Variants in C12orf42 observed in about 807,000 individuals in gnomAD.
C12orf42 encodes the protein uncharacterized protein C12orf42.
A neutral mutation model predicts 21.6 loss-of-function variants in C12orf42; 25 were observed. That is an observed-to-expected ratio of 1.16 (90% CI 0.84 to 1.62). The LOEUF (loss-of-function observed/expected upper bound fraction) is 1.62, where lower values mean the gene tolerates loss of function less well. C12orf42 is among the 40% of genes most tolerant of loss of function. C12orf42 has a pLI of 0.00. For missense variants in C12orf42, 483 were observed against 459.3 expected, an observed-to-expected ratio of 1.05 and a Z score of -0.47; for synonymous variants, 174 against 175.0, an observed-to-expected ratio of 0.99 and a Z score of 0.05.
chr12:103,490,930 A>AC (rs1955146252), intron 1 of C12orf42, among the ~76,000 whole-genome samples: 1 of 152,118 alleles, frequency 6.6e-6, no homozygotes, highest in South Asian at 2.1e-4. Context: ...AGCATACCTT[A>AC]CATTGATGAA....
chr12:103,522,354 T>A, the C12orf42 span, among the ~76,000 whole-genome samples: 1 of 152,150 alleles, frequency 6.6e-6, no homozygotes, highest in African/African-American at 2.4e-5. Context: ...CCTTTACAAA[T>A]TACCCAGTCT....
intron 5 of C12orf42, among the ~76,000 whole-genome samples, chr12:103,273,166 G>A (rs552040905): frequency 6.6e-6 from 1 of 152,222 alleles, no homozygotes; most frequent in South Asian, 2.1e-4. Flanking sequence ...GACCATCTGG[G>A]AGCTAGAATC....
At chr12:103,056,532 C>A in the C12orf42 span, among the ~76,000 whole-genome samples, 4 of 152,084 alleles carry the variant, frequency 2.6e-5, no homozygotes, top group Non-Finnish European at 4.4e-5. Context: ...TGCATATTTT[C>A]AGCTCTATCT....
intron 4 of C12orf42, among the ~76,000 whole-genome samples, chr12:103,316,128 C>T (rs1052363044): frequency 7.3e-5 from 11 of 149,938 alleles, no homozygotes; most frequent in Non-Finnish European, 1.6e-4. Flanking sequence ...CACACACACA[C>T]AGTACTATAT....
intron 2 of C12orf42, among the ~76,000 whole-genome samples, chr12:103,458,572 T>C (rs1342301682): frequency 1.3e-5 from 2 of 152,164 alleles, no homozygotes; most frequent in East Asian, 1.9e-4. Context: ...AAATCCCATA[T>C]GGAAAACATC....
chr12:103,349,740 A>G (rs1159909029), intron 4 of C12orf42, among the ~76,000 whole-genome samples: 1 of 152,174 alleles, frequency 6.6e-6, no homozygotes, highest in Non-Finnish European at 1.5e-5. Flanking sequence ...AAATAACTTT[A>G]CTTCTTGTTA....
intron 4 of C12orf42, among the ~76,000 whole-genome samples, chr12:103,318,637 C>A (rs115720273): frequency 9.8e-4 from 150 of 152,310 alleles, no homozygotes; most frequent in African/African-American, 3.4e-3. Context: ...AATCTTTCAT[C>A]TGAATTGCTT....
At chr12:103,196,830 A>T in the C12orf42 span, among the ~76,000 whole-genome samples, 1,646 of 152,090 alleles carry the variant, frequency 0.011, 26 homozygotes, top group African/African-American at 0.037. Context: ...AGAGGGTCTC[A>T]TGAAGATAAT....
At chr12:103,448,353 T>C (rs954213795) in intron 2 of C12orf42, among the ~76,000 whole-genome samples, 2 of 152,002 alleles carry the variant, frequency 1.3e-5, no homozygotes, top group Non-Finnish European at 2.9e-5. Flanking sequence ...GAAGACAACA[T>C]TGGAAAAATC....
intron 5 of C12orf42, among the ~76,000 whole-genome samples, chr12:103,302,882 A>G (rs973666774): frequency 2.0e-5 from 3 of 152,234 alleles, no homozygotes; most frequent in African/African-American, 4.8e-5. Context: ...GAGACATAGA[A>G]GAATCGGTGG....
At chr12:103,236,275 A>C (rs1391636863), downstream of C12orf42, among the ~76,000 whole-genome samples, 1 of 152,204 alleles carries the variant, frequency 6.6e-6, no homozygotes, top group East Asian at 1.9e-4. Flanking sequence ...GAGATAATAA[A>C]TTACTGGGCC....
chr12:103,174,354 A>G, the C12orf42 span, among the ~76,000 whole-genome samples: 1 of 152,204 alleles, frequency 6.6e-6, no homozygotes, highest in Admixed American at 6.5e-5. Context: ...AAGTGTGCCA[A>G]AAGAACATAG....
chr12:103,260,317 T>C (rs1445121744), intron 10 of C12orf42, among the ~76,000 whole-genome samples: 1 of 152,226 alleles, frequency 6.6e-6, no homozygotes, highest in Non-Finnish European at 1.5e-5. Context: ...TGCCCTGTTT[T>C]TGGAGGTCTT....
At chr12:103,340,786 A>T (rs2042089235) in intron 4 of C12orf42, among the ~76,000 whole-genome samples, 1 of 152,230 alleles carries the variant, frequency 6.6e-6, no homozygotes, top group South Asian at 2.1e-4. Context: ...ATGGCAGATT[A>T]AACATTGCAG....
At chr12:103,368,714 G>C (rs889486278) in intron 4 of C12orf42, among the ~76,000 whole-genome samples, 173 bp downstream of exon 4, 1 of 152,130 alleles carries the variant, frequency 6.6e-6, no homozygotes. Context: ...CATGCCCTAA[G>C]CCAGTCCATC....
chr12:103,232,697 C>A (rs1335476917), downstream of C12orf42, among the ~76,000 whole-genome samples: 1 of 124,078 alleles, frequency 8.1e-6, no homozygotes, highest in African/African-American at 3.3e-5. Flanking sequence ...GGCAACACAG[C>A]TAGACTCCGT....
the C12orf42 span, among the ~76,000 whole-genome samples, chr12:103,074,506 T>C: frequency 2.0e-5 from 3 of 152,048 alleles, no homozygotes; most frequent in East Asian, 5.8e-4. Context: ...ATGGAAAACC[T>C]TACCCCTGTC....
chr12:103,188,835 T>G, the C12orf42 span, among the ~76,000 whole-genome samples: 1 of 152,206 alleles, frequency 6.6e-6, no homozygotes, highest in Non-Finnish European at 1.5e-5. Context: ...CCTACAAAAC[T>G]GTGAGCCAAA....
chr12:103,389,038 C>T (rs948799665), intron 3 of C12orf42, among the ~76,000 whole-genome samples: 1 of 152,156 alleles, frequency 6.6e-6, no homozygotes, highest in African/African-American at 2.4e-5. Context: ...GACAGTTGTG[C>T]TTGGCAACTC....
Sources: gnomAD v4.1 joint callset for allele counts (sites outside exome capture counted in the v4.1 genomes callset) on GRCh38, gnomAD v4.1.1 for gene constraint, MANE v1.5 for transcripts, NCBI Gene and HGNC (gene_info 2026-07-23, HGNC 2026-07-21) for gene names.